Variants in LRTM3 observed in about 807,000 individuals in gnomAD.
LRTM3 encodes the protein leucine-rich repeat transmembrane protein 3.
At chr13:102,744,710 T>G in the LRTM3 span, 1 of 1,550,676 alleles carries the variant, frequency 6.4e-7, no homozygotes, top group African/African-American at 1.4e-5. Context: ...TGGAACTGAT[T>G]CTGTTAACAT....
chr13:102,732,114 C>T, the LRTM3 span: 3 of 1,551,318 alleles, frequency 1.9e-6, no homozygotes, highest in African/African-American at 1.4e-5. Context: ...TTCTGTTCCC[C>T]TTTTACAATT....
the LRTM3 span, chr13:102,737,064 C>T: frequency 6.4e-7 from 1 of 1,551,114 alleles, no homozygotes; most frequent in Admixed American, 2.0e-5. Flanking sequence ...GTTAGTACTT[C>T]TCTAGTTTTT....
At chr13:102,743,345 G>C in the LRTM3 span, 1 of 1,550,444 alleles carries the variant, frequency 6.4e-7, no homozygotes, top group Non-Finnish European at 8.7e-7. Context: ...AATGTCAGAG[G>C]AATCTGGAGT....
the LRTM3 span, among the ~76,000 whole-genome samples, chr13:102,755,964 T>A: frequency 4.2e-4 from 22 of 52,824 alleles, no homozygotes; most frequent in African/African-American, 9.6e-4. Context: ...TATATATATT[T>A]TTTTTTTTTC....
chr13:102,744,613 T>C, the LRTM3 span: 1 of 1,550,764 alleles, frequency 6.4e-7, no homozygotes, highest in Non-Finnish European at 8.7e-7. Flanking sequence ...AAGATCTGCC[T>C]TCGGGACTCT....
chr13:102,733,978 G>A, the LRTM3 span: 2 of 1,551,372 alleles, frequency 1.3e-6, no homozygotes, highest in Admixed American at 2.0e-5. Context: ...TTCCTGGAGT[G>A]TCTTTGTCTG....
chr13:102,744,191 A>G, the LRTM3 span: 31 of 1,550,504 alleles, frequency 2.0e-5, no homozygotes, highest in South Asian at 5.9e-5. Flanking sequence ...GATATTAAAC[A>G]ACTGCAAAAT....
the LRTM3 span, among the ~76,000 whole-genome samples, chr13:102,753,212 A>G: frequency 1.3e-5 from 2 of 152,170 alleles, no homozygotes; most frequent in African/African-American, 4.8e-5. Flanking sequence ...TCACCAAACT[A>G]ACATAGGAAC....
the LRTM3 span, chr13:102,734,194 C>A: frequency 6.4e-7 from 1 of 1,551,376 alleles, no homozygotes; most frequent in Non-Finnish European, 8.7e-7. Flanking sequence ...TCATATCTAT[C>A]GTTTTCACTT....
chr13:102,734,797 C>T, the LRTM3 span: 3 of 1,550,952 alleles, frequency 1.9e-6, no homozygotes, highest in South Asian at 1.2e-5. Context: ...TGGTCAGAAC[C>T]ACACCTGGTT....
the LRTM3 span, chr13:102,747,924 T>C: frequency 6.4e-7 from 1 of 1,551,234 alleles, no homozygotes; most frequent in Non-Finnish European, 8.7e-7. Context: ...ATGCTGAACC[T>C]GAAGCCTTGT....
the LRTM3 span, among the ~76,000 whole-genome samples, chr13:102,758,230 G>A: frequency 5.9e-5 from 9 of 152,090 alleles, no homozygotes; most frequent in African/African-American, 1.7e-4. Flanking sequence ...AATAATATAC[G>A]AAAAGTCCTT....
chr13:102,738,212 A>AT, the LRTM3 span: 5 of 1,550,478 alleles, frequency 3.2e-6, no homozygotes, highest in African/African-American at 5.5e-5. Flanking sequence ...CTTAGCTGAT[A>AT]TTTTTACTTC....
the LRTM3 span, chr13:102,739,863 C>T: frequency 6.5e-7 from 1 of 1,550,140 alleles, no homozygotes; most frequent in Non-Finnish European, 8.7e-7. Flanking sequence ...CTATGTTTCA[C>T]ATTGACCATT....
the LRTM3 span, chr13:102,758,614 G>A: frequency 1.8e-5 from 27 of 1,523,860 alleles, no homozygotes; most frequent in South Asian, 8.9e-5. Context: ...AGGAGTAATC[G>A]GAGTATCAAA....
At chr13:102,737,229 C>T in the LRTM3 span, 10 of 1,550,944 alleles carry the variant, frequency 6.4e-6, no homozygotes, top group East Asian at 2.2e-4. Flanking sequence ...GTTTTTACAT[C>T]ATTTGAGCTA....
the LRTM3 span, chr13:102,732,331 T>C: frequency 6.4e-7 from 1 of 1,551,410 alleles, no homozygotes; most frequent in Non-Finnish European, 8.7e-7. Flanking sequence ...CATACTCTAA[T>C]TTCTTTCTAT....
the LRTM3 span, chr13:102,745,299 T>C: frequency 1.9e-6 from 3 of 1,550,416 alleles, no homozygotes; most frequent in Admixed American, 2.0e-5. Flanking sequence ...CGTGAAGTAA[T>C]ACTATCTTCA....
the LRTM3 span, chr13:102,730,346 C>A: frequency 2.6e-6 from 4 of 1,551,102 alleles, no homozygotes; most frequent in Non-Finnish European, 3.5e-6. Context: ...AAGACATGAA[C>A]ACTCGTCCAA....
Sources: gnomAD v4.1 joint callset for allele counts (sites outside exome capture counted in the v4.1 genomes callset) on GRCh38, gnomAD v4.1.1 for gene constraint, MANE v1.5 for transcripts, NCBI Gene and HGNC (gene_info 2026-07-23, HGNC 2026-07-21) for gene names.